The following PDE3A variants were observed in gnomAD, a reference collection of about 807,000 sequenced individuals.
The protein encoded by PDE3A is cGMP-inhibited 3',5'-cyclic phosphodiesterase 3A.
In PDE3A, 43 loss-of-function variants were observed where a neutral mutation model predicts 98.3. That is an observed-to-expected ratio of 0.44 (90% CI 0.34 to 0.56). The LOEUF (loss-of-function observed/expected upper bound fraction) is 0.56, where lower values mean the gene tolerates loss of function less well. Among genes scored for constraint, PDE3A ranks in the 20% least tolerant of loss-of-function variants. PDE3A has a pLI of 0.01. For missense variants in PDE3A, 1,427 were observed against 1,440.7 expected, an observed-to-expected ratio of 0.99 and a Z score of 0.15; for synonymous variants, 663 against 567.9, an observed-to-expected ratio of 1.17 and a Z score of -2.38.
intron 2 of PDE3A, among the ~76,000 whole-genome samples, chr12:20,610,053 C>T (rs1943810113): frequency 6.6e-6 from 1 of 151,648 alleles, no homozygotes; most frequent in Non-Finnish European, 1.5e-5. Flanking sequence ...AATGGGGCCA[C>T]ATCAAACTAA....
At chr12:20,386,018 A>AATATATATATAAATATATATAAT in intron 1 of PDE3A, among the ~76,000 whole-genome samples, 1 of 78,602 alleles carries the variant, frequency 1.3e-5, no homozygotes, top group South Asian at 3.3e-4. Flanking sequence ...ATATATATAA[A>AATATATATATAAATATATATAAT]ATATATATAT....
intron 1 of PDE3A, among the ~76,000 whole-genome samples, chr12:20,503,471 C>G (rs1390855545): frequency 6.6e-6 from 1 of 151,946 alleles, no homozygotes; most frequent in African/African-American, 2.4e-5. Flanking sequence ...TTTTTCTCCT[C>G]CTCATCGATT....
At chr12:20,538,064 C>T (rs1041130388) in intron 1 of PDE3A, among the ~76,000 whole-genome samples, 7 of 152,154 alleles carry the variant, frequency 4.6e-5, no homozygotes, top group African/African-American at 1.7e-4. Flanking sequence ...TATGCTTTTA[C>T]TTCAGAGAAA....
intron 1 of PDE3A, among the ~76,000 whole-genome samples, chr12:20,542,436 TACAC>T (rs57427303): frequency 0.26 from 39,552 of 149,492 alleles, 5,255 homozygotes; most frequent in Admixed American, 0.33. Flanking sequence ...CGTAACAGCA[TACAC>T]ACACACACAC....
intron 15 of PDE3A, among the ~76,000 whole-genome samples, chr12:20,673,958 A>G (rs1480606365): frequency 2.0e-5 from 3 of 152,174 alleles, no homozygotes; most frequent in Non-Finnish European, 4.4e-5. Context: ...ATCCATGATC[A>G]TGGGATGTCT....
chr12:20,422,985 A>C (rs1944545344), intron 1 of PDE3A, among the ~76,000 whole-genome samples: 1 of 152,206 alleles, frequency 6.6e-6, no homozygotes, highest in Non-Finnish European at 1.5e-5. Flanking sequence ...GCATGATATT[A>C]GACTTGAAAT....
At chr12:20,532,358 A>AACTT (rs138343748) in intron 1 of PDE3A, among the ~76,000 whole-genome samples, 6 of 151,880 alleles carry the variant, frequency 4.0e-5, no homozygotes, top group African/African-American at 1.5e-4. Context: ...TAAATCATGT[A>AACTT]ATTTATGCAA....
intron 8 of PDE3A, among the ~76,000 whole-genome samples, chr12:20,636,891 T>C (rs78299885): frequency 0.025 from 3,780 of 152,306 alleles, 109 homozygotes; most frequent in East Asian, 0.14. Flanking sequence ...GCAAAATTTA[T>C]ATCTGAAATG....
chr12:20,651,307 A>G (rs1380672391), intron 14 of PDE3A, among the ~76,000 whole-genome samples: 1 of 152,152 alleles, frequency 6.6e-6, no homozygotes, highest in East Asian at 1.9e-4. Flanking sequence ...ACCACTCTTA[A>G]AAAGAATGTG....
chr12:20,458,382 C>CAA (rs778748970), intron 1 of PDE3A, among the ~76,000 whole-genome samples: 34 of 125,238 alleles, frequency 2.7e-4, no homozygotes, highest in African/African-American at 7.0e-4. Flanking sequence ...TTAAGCTTTC[C>CAA]AAAAAAAAAA....
intron 15 of PDE3A, among the ~76,000 whole-genome samples, chr12:20,654,889 T>C (rs1945007799): frequency 6.6e-6 from 1 of 152,088 alleles, no homozygotes; most frequent in African/African-American, 2.4e-5. Context: ...TTTATTGGCT[T>C]GGTTAGGGGA....
intron 1 of PDE3A, among the ~76,000 whole-genome samples, chr12:20,453,020 C>G (rs561144698): frequency 8.7e-4 from 132 of 152,318 alleles, no homozygotes; most frequent in Middle Eastern, 3.4e-3. Context: ...TAGGCACCTT[C>G]AGAAAGAATG....
chr12:20,568,119 G>C (rs1942706619), intron 2 of PDE3A, among the ~76,000 whole-genome samples: 2 of 151,902 alleles, frequency 1.3e-5, no homozygotes, highest in South Asian at 4.1e-4. Context: ...TAACTTTATA[G>C]AGATATTGCA....
chr12:20,670,206 G>A lies in PDE3A; in HGVS notation c.3185-9824G>A, dbSNP rs1247694352. Among the ~76,000 whole-genome samples, 8 of 149,764 alleles carry A rather than the reference G, an allele frequency of 5.3e-5. No homozygotes were observed. The East Asian group carries it at 1.4e-3, about 25-fold the overall frequency. On this transcript the variant is annotated intron_variant, in intron 15 of 15. Transcript: ENST00000359062. ...CACCAAGATTCATAAAGCAAGTCCTGAGTGACCTACAAAGAGACTTAGACT... is the reference window on the plus strand; with the variant it reads ...CACCAAGATTCATAAAGCAAGTCCTAAGTGACCTACAAAGAGACTTAGACT...
At chr12:20,650,244 GTTAT>G (rs143553298) in intron 13 of PDE3A, among the ~76,000 whole-genome samples, 197 bp from the exon 14 acceptor site, 40,088 of 151,572 alleles carry the variant, frequency 0.26, 5,389 homozygotes, top group Middle Eastern at 0.34. Flanking sequence ...TCCATAATTC[GTTAT>G]TTTACTTTTT....
chr12:20,581,140 G>GCACT (rs1284680663), intron 2 of PDE3A, among the ~76,000 whole-genome samples: 1 of 152,118 alleles, frequency 6.6e-6, no homozygotes, highest in Admixed American at 6.5e-5. Context: ...ATTATGAAAA[G>GCACT]CACTCAGAAC....
chr12:20,604,652 G>A (rs1943669994), intron 2 of PDE3A, among the ~76,000 whole-genome samples: 1 of 152,086 alleles, frequency 6.6e-6, no homozygotes, highest in Admixed American at 6.6e-5. Context: ...ACATAATTAG[G>A]ACAAATAGCT....
intron 1 of PDE3A, among the ~76,000 whole-genome samples, chr12:20,447,666 G>A (rs1565552331): frequency 6.6e-6 from 1 of 152,188 alleles, no homozygotes; most frequent in African/African-American, 2.4e-5. Flanking sequence ...CTCTCCAACT[G>A]GCTGTTCATT....
At position 20,598,798 on chromosome 12, in the gene PDE3A, T is replaced by G. The variant is rs186960929; in HGVS notation, c.1012-14645T>G. ...CTTATGTCGCCATATCTCACCTATTTCCAAGTGCAAATGATTCTCCTTAAT... is the reference window on the plus strand; with the variant it reads ...CTTATGTCGCCATATCTCACCTATTGCCAAGTGCAAATGATTCTCCTTAAT... On this transcript the variant is annotated intron_variant, in intron 2 of 15. Transcript: ENST00000359062. Among the ~76,000 whole-genome samples the G allele has an allele frequency of 9.7e-4, 148 of 152,296 alleles. 1 individual carries two copies. The highest frequency in any genetic ancestry group is 9.4e-3 in the Admixed American group (144 of 15,298).
Sources: allele counts gnomAD v4.1 joint callset (sites outside exome capture counted in the v4.1 genomes callset), GRCh38; gene constraint gnomAD v4.1.1; transcripts MANE v1.5; gene names NCBI Gene and HGNC (gene_info 2026-07-23, HGNC 2026-07-21).